MYO6: variants seen among roughly 807,000 people sequenced by gnomAD.
MYO6 encodes the protein myosin VI, also known as unconventional myosin-VI.
Under a neutral mutation model 178.7 loss-of-function variants are expected in MYO6, and 74 were observed. That is an observed-to-expected ratio of 0.41 (90% CI 0.34 to 0.50). The LOEUF is 0.50. Ranked by LOEUF, MYO6 falls within the 20% of genes least tolerant of loss-of-function variation. The pLI, the probability that MYO6 is intolerant of heterozygous loss-of-function variation, is 0.09. For missense variants in MYO6, 1,330 were observed against 1,547.4 expected (o/e 0.86, Z 2.36); for synonymous variants, 477 against 504.6 (o/e 0.95, Z 0.73).
chr6:75,908,211 T>A (rs1242526593), intron 31 of MYO6, among the ~76,000 whole-genome samples: 4 of 152,200 alleles, frequency 2.6e-5, no homozygotes, highest in African/African-American at 9.7e-5. Flanking sequence ...GACAAATTGC[T>A]TAATGTTTCT....
chr6:75,851,742 G>T (rs1489047231), intron 11 of MYO6, among the ~76,000 whole-genome samples: 1 of 152,112 alleles, frequency 6.6e-6, no homozygotes, highest in African/African-American at 2.4e-5. Context: ...CTACTTGGAA[G>T]GCTGAGGTGG....
At chr6:75,758,992 C>G (rs1777721397) in intron 1 of MYO6, among the ~76,000 whole-genome samples, 1 of 151,830 alleles carries the variant, frequency 6.6e-6, no homozygotes, top group African/African-American at 2.4e-5. Flanking sequence ...GTCTCAGCCT[C>G]CTGAGTAGCT....
intron 1 of MYO6, among the ~76,000 whole-genome samples, chr6:75,750,106 T>TC (rs1776726992): frequency 6.6e-6 from 1 of 151,474 alleles, no homozygotes; most frequent in Non-Finnish European, 1.5e-5. Flanking sequence ...CCTTTTTTTT[T>TC]TTTTTTTGAG....
chr6:75,901,054 C>G (rs983078883), intron 30 of MYO6, among the ~76,000 whole-genome samples: 25 of 152,072 alleles, frequency 1.6e-4, no homozygotes, highest in Admixed American at 3.3e-4. Context: ...AGATATATGG[C>G]GTTATTTCTG....
At chr6:75,863,533 T>G (rs1776383300) in intron 16 of MYO6, among the ~76,000 whole-genome samples, 1 of 152,020 alleles carries the variant, frequency 6.6e-6, no homozygotes, top group African/African-American at 2.4e-5. Flanking sequence ...TCACCCAGGC[T>G]GGAGTGCAAT....
At chr6:75,827,894 T>C (rs571250196) in intron 3 of MYO6, among the ~76,000 whole-genome samples, 5 of 152,296 alleles carry the variant, frequency 3.3e-5, no homozygotes, top group East Asian at 1.9e-4. Flanking sequence ...GGTTTTTGTC[T>C]ACTCTAGCAA....
intron 1 of MYO6, among the ~76,000 whole-genome samples, chr6:75,764,110 A>T (rs1778187387): frequency 6.6e-6 from 1 of 152,108 alleles, no homozygotes; most frequent in Non-Finnish European, 1.5e-5. Flanking sequence ...CATTCGTACC[A>T]TTATAGATCA....
chr6:75,854,708 T>C (rs888764628), intron 11 of MYO6, among the ~76,000 whole-genome samples: 6 of 152,148 alleles, frequency 3.9e-5, no homozygotes, highest in Non-Finnish European at 7.4e-5. Flanking sequence ...TAGACAGATA[T>C]GTACATCCAA....
At chr6:75,861,619 C>T (rs774941315) in intron 15 of MYO6, among the ~76,000 whole-genome samples, 2 of 152,214 alleles carry the variant, frequency 1.3e-5, no homozygotes, top group Non-Finnish European at 2.9e-5. Context: ...TCCCTATAGC[C>T]GCACAGCCAG....
At chr6:75,752,336 A>G (rs1440155405) in intron 1 of MYO6, among the ~76,000 whole-genome samples, 4 of 152,204 alleles carry the variant, frequency 2.6e-5, no homozygotes, top group African/African-American at 9.6e-5. Flanking sequence ...CTGGCCCTTT[A>G]CTAGTATAAG....
intron 26 of MYO6, among the ~76,000 whole-genome samples, chr6:75,891,001 A>G (rs766261156): frequency 3.9e-5 from 6 of 152,188 alleles, no homozygotes; most frequent in African/African-American, 7.2e-5. Flanking sequence ...ACATTCATCT[A>G]GAGATGTTAA....
chr6:75,812,321 T>C (rs1330510455), intron 1 of MYO6, among the ~76,000 whole-genome samples: 1 of 152,134 alleles, frequency 6.6e-6, no homozygotes, highest in Non-Finnish European at 1.5e-5. Flanking sequence ...TTTTTTTGTG[T>C]GTGTTGATAC....
chr6:75,881,591 C>T, intron 22 of MYO6, 98 bp from the exon 23 acceptor site: 1 of 1,221,826 alleles, frequency 8.2e-7, no homozygotes, highest in Admixed American at 1.8e-5. Flanking sequence ...CATTTTCAGA[C>T]AGTTAGATTT....
At chr6:75,818,878 AGCTC>A (rs1771568891) in intron 2 of MYO6, among the ~76,000 whole-genome samples, 1 of 152,132 alleles carries the variant, frequency 6.6e-6, no homozygotes. Flanking sequence ...TAAAAAAAAA[AGCTC>A]AGTTACTTTA....
At chr6:75,853,111 T>TG (rs1775425373) in intron 11 of MYO6, among the ~76,000 whole-genome samples, 1 of 152,228 alleles carries the variant, frequency 6.6e-6, no homozygotes, top group Non-Finnish European at 1.5e-5. Context: ...TCTTTCTGTG[T>TG]GCTTACTGAC....
At chr6:75,811,504 G>T (rs1008801387) in intron 1 of MYO6, among the ~76,000 whole-genome samples, 33 of 152,302 alleles carry the variant, frequency 2.2e-4, no homozygotes, top group African/African-American at 7.5e-4. Context: ...AGCTGTGTGT[G>T]TGCCTTTAAA....
At chr6:75,827,124 C>T (rs1293546683) in intron 3 of MYO6, among the ~76,000 whole-genome samples, 2 of 152,044 alleles carry the variant, frequency 1.3e-5, no homozygotes, top group African/African-American at 4.8e-5. Flanking sequence ...CAGCATCTTG[C>T]CCCCAAGGAT....
intron 15 of MYO6, among the ~76,000 whole-genome samples, 180 bp downstream of exon 15, chr6:75,861,275 A>G (rs1583296919): frequency 6.6e-6 from 1 of 152,308 alleles, no homozygotes; most frequent in African/African-American, 2.4e-5. Context: ...CTTCAAAGGT[A>G]TCTTTGTTGG....
intron 23 of MYO6, among the ~76,000 whole-genome samples, chr6:75,885,753 T>C (rs1778382837): frequency 6.6e-6 from 1 of 152,080 alleles, no homozygotes; most frequent in South Asian, 2.1e-4. Context: ...GCCGAGAATC[T>C]CTTGAACCTG....
Sources: gnomAD v4.1 joint callset for allele counts (sites outside exome capture counted in the v4.1 genomes callset) on GRCh38, gnomAD v4.1.1 for gene constraint, MANE v1.5 for transcripts, NCBI Gene and HGNC (gene_info 2026-07-23, HGNC 2026-07-21) for gene names.